Variants in CHD6 observed in about 807,000 individuals in gnomAD.
CHD6 encodes the protein chromodomain helicase DNA binding protein 6, also known as ATP-dependent chromatin remodeler CHD6.
A neutral mutation model predicts 276.9 loss-of-function variants in CHD6; 50 were observed. That is an observed-to-expected ratio of 0.18 (90% CI 0.14 to 0.23). The LOEUF is 0.23. CHD6 is among the 10% of genes least tolerant of loss of function. CHD6 has a pLI of 1.00. For synonymous variants in CHD6, 1,173 were observed against 1,229.3 expected (o/e 0.95, Z 0.96); for missense variants, 2,564 against 3,365.8 (o/e 0.76, Z 5.89).
chr20:41,611,649 G>A (rs1601196508), intron 1 of CHD6, among the ~76,000 whole-genome samples: 1 of 151,970 alleles, frequency 6.6e-6, no homozygotes, highest in East Asian at 1.9e-4. Flanking sequence ...TTAAGACAGA[G>A]TCTCACTCTG....
rs774974069 is a variant in CHD6, at chr20:41,403,377, C to A, written c.*1216G>T. 2.7e-4 allele frequency: 290 copies of A among 1,062,768 alleles called. 1 individual carries two copies. Among genetic ancestry groups the A allele is most frequent in the Non-Finnish European group, 3.1e-4 (268 of 877,586 alleles). 65.8% of individuals were successfully genotyped at this position (1,062,768 alleles called of 1,614,324 possible). A position where few individuals can be genotyped will look rare whatever the true frequency, so the allele number is the denominator to read the frequency against. ...GAAGGTGAAAGGACATGGGGAAGTG[C>A]TGCTTAGGCAGTTTCTTTCTCAGTT... is the stretch of plus-strand genomic sequence containing the variant. On this transcript the variant is annotated 3_prime_UTR_variant, in exon 37 of 37. Coordinates refer to ENST00000373233, the MANE Select transcript of CHD6 (RefSeq NM_032221.5).
chr20:41,435,264 A>T (rs2047670513), intron 27 of CHD6, among the ~76,000 whole-genome samples: 1 of 152,186 alleles, frequency 6.6e-6, no homozygotes, highest in African/African-American at 2.4e-5. Context: ...ACAAACAGAA[A>T]AGTTTCAAAT....
chr20:41,520,049 C>A (rs187760620), intron 3 of CHD6, among the ~76,000 whole-genome samples: 42 of 152,154 alleles, frequency 2.8e-4, no homozygotes, highest in East Asian at 1.2e-3. Flanking sequence ...ACATTTATGC[C>A]GCCAAAAGAC....
chr20:41,426,793 G>C (rs903873865), intron 27 of CHD6, among the ~76,000 whole-genome samples: 1 of 152,116 alleles, frequency 6.6e-6, no homozygotes, highest in African/African-American at 2.4e-5. Flanking sequence ...GAATTCCTTC[G>C]CAAATCCTTC....
In CHD6 at chr20:41,403,720, A is replaced by G; in HGVS notation, c.*873T>C. ...CATTCGGTCCTGGTGCTCTTTAAACACAGAGAGGCAAATTAATGGCTAGAG... is the reference window on the plus strand; with the variant it reads ...CATTCGGTCCTGGTGCTCTTTAAACGCAGAGAGGCAAATTAATGGCTAGAG... On this transcript the variant is annotated 3_prime_UTR_variant, in exon 37 of 37. Transcript: ENST00000373233. 1 of 1,057,250 alleles carries G rather than the reference A, an allele frequency of 9.5e-7. No individual in the cohort carries two copies. The highest frequency in any genetic ancestry group is 1.1e-6 in the Non-Finnish European group (1 of 874,266). The allele number at this position is 1,057,250 out of a possible 1,614,324, so 65.5% of individuals were successfully genotyped here.
chr20:41,412,339 T>C (rs968136148), intron 35 of CHD6, 76 bp from the exon 36 acceptor site: 5 of 1,538,188 alleles, frequency 3.3e-6, no homozygotes, highest in Non-Finnish European at 3.6e-6. Flanking sequence ...GCTTTTCAAC[T>C]GGTTTTGCTA....
chr20:41,603,107 C>A (rs1469000840), intron 1 of CHD6, among the ~76,000 whole-genome samples: 1 of 152,138 alleles, frequency 6.6e-6, no homozygotes, highest in Non-Finnish European at 1.5e-5. Context: ...AAACCCAGCA[C>A]TTTGAGAGGC....
intron 11 of CHD6, 134 bp downstream of exon 11, chr20:41,491,564 G>A (rs2043555842): frequency 1.1e-6 from 1 of 909,290 alleles, no homozygotes; most frequent in East Asian, 2.5e-5. Flanking sequence ...TGATTAATGT[G>A]CAAAGACTAC....
chr20:41,527,050 A>G (rs758407969), intron 3 of CHD6, among the ~76,000 whole-genome samples: 1 of 152,254 alleles, frequency 6.6e-6, no homozygotes, highest in African/African-American at 2.4e-5. Flanking sequence ...GCAAGAAAGA[A>G]TATGAACCAT....
At chr20:41,457,041 C>T (rs1401517193) in intron 18 of CHD6, among the ~76,000 whole-genome samples, 1 of 152,180 alleles carries the variant, frequency 6.6e-6, no homozygotes, top group Non-Finnish European at 1.5e-5. Flanking sequence ...CCAAGCTGGG[C>T]AATCCTACCT....
chr20:41,616,431 G>A (rs1202031872), intron 1 of CHD6, among the ~76,000 whole-genome samples: 1 of 152,048 alleles, frequency 6.6e-6, no homozygotes, highest in Non-Finnish European at 1.5e-5. Context: ...AACAGATCTA[G>A]ATTTACTTCG....
chr20:41,501,451 C>A (rs2043827805), intron 5 of CHD6, among the ~76,000 whole-genome samples: 1 of 152,164 alleles, frequency 6.6e-6, no homozygotes, highest in African/African-American at 2.4e-5. Context: ...CCACCGTAGA[C>A]TGGTTTTGTG....
intron 27 of CHD6, among the ~76,000 whole-genome samples, chr20:41,430,990 C>T (rs1426046983): frequency 7.9e-5 from 12 of 151,730 alleles, no homozygotes; most frequent in Non-Finnish European, 1.5e-4. Flanking sequence ...CATGCCACCA[C>T]ACCTGGCTAA....
intron 1 of CHD6, among the ~76,000 whole-genome samples, chr20:41,593,243 T>C (rs2045683066): frequency 6.6e-6 from 1 of 151,832 alleles, no homozygotes; most frequent in Admixed American, 6.6e-5. Context: ...ATATGGTTTG[T>C]TCATCACTAG....
rs147987351 is a variant in CHD6, at chr20:41,421,529, G to A, written c.5106C>T (p.Ser1702=). 38 of 1,612,270 alleles carry A rather than the reference G, an allele frequency of 2.4e-5. No individual in the cohort carries two copies. Among genetic ancestry groups the A allele is most frequent in the Non-Finnish European group, 3.0e-5 (35 of 1,179,300 alleles). ...TCTTACCATACATCATGCTCTCTAA[G>A]GACTCAGGCAGCAGACTTTCATCAT... ...INHDESLLPE[S]LESMMYGKKV... The change falls in exon 31 of 37, where the codon TCC becomes TCT. Residue 1702 remains serine, a synonymous_variant. Coordinates refer to ENST00000373233, the MANE Select transcript of CHD6 (RefSeq NM_032221.5).
chr20:41,468,719 A>G (rs183427406), intron 17 of CHD6, among the ~76,000 whole-genome samples: 4 of 152,296 alleles, frequency 2.6e-5, no homozygotes, highest in African/African-American at 9.6e-5. Flanking sequence ...TACTGTCAAG[A>G]AACAGGGGAT....
chr20:41,603,173 TG>T (rs2146289997), intron 1 of CHD6, among the ~76,000 whole-genome samples: 1 of 151,926 alleles, frequency 6.6e-6, no homozygotes, highest in Non-Finnish European at 1.5e-5. Flanking sequence ...GCCAACATGG[TG>T]AAACCCTGTC....
intron 3 of CHD6, among the ~76,000 whole-genome samples, chr20:41,532,666 A>G (rs2044715958): frequency 6.6e-6 from 1 of 152,218 alleles, no homozygotes; most frequent in Admixed American, 6.5e-5. Flanking sequence ...GAAAGCTAAT[A>G]TAGACACAAA....
At chr20:41,570,795 A>G (rs1399456681) in intron 1 of CHD6, among the ~76,000 whole-genome samples, 1 of 152,232 alleles carries the variant, frequency 6.6e-6, no homozygotes, top group Non-Finnish European at 1.5e-5. Context: ...AGCTGGCTCC[A>G]CTTTGAAATT....
Sources: gnomAD v4.1 joint callset for allele counts (sites outside exome capture counted in the v4.1 genomes callset) on GRCh38, gnomAD v4.1.1 for gene constraint, MANE v1.5 for transcripts, NCBI Gene and HGNC (gene_info 2026-07-23, HGNC 2026-07-21) for gene names.